Variants in KIAA1328 observed in about 807,000 individuals in gnomAD.
The protein encoded by KIAA1328 is protein hinderin.
A neutral mutation model predicts 68.1 loss-of-function variants in KIAA1328; 52 were observed. The ratio of observed to expected loss-of-function variants is 0.76; its 90% CI spans 0.61 to 0.96. The LOEUF is 0.96. KIAA1328 is among the 40% of genes least tolerant of loss of function. The probability of loss-of-function intolerance (pLI) is 0.00; values close to 1 mark genes in which losing one functional copy is unlikely to be tolerated. For synonymous variants in KIAA1328, 232 were observed against 239.4 expected, an observed-to-expected ratio of 0.97 and a Z score of 0.28; for missense variants, 641 against 677.6, an observed-to-expected ratio of 0.95 and a Z score of 0.60.
chr18:37,223,675 G>T lies in KIAA1328; in HGVS notation c.*1448G>T, dbSNP rs2060602860. The T allele has an allele frequency of 1.0e-6, 1 of 985,224 alleles. No individual in the cohort carries two copies. The highest frequency in any genetic ancestry group is 1.2e-6 in the Non-Finnish European group (1 of 829,928). 61.0% of individuals were successfully genotyped at this position (985,224 alleles called of 1,614,324 possible). On this transcript the variant is annotated 3_prime_UTR_variant, in exon 10 of 10. Transcript: ENST00000280020. Reference sequence around the variant, plus strand: ...AGCCTGCATGCAGCGAGTCTGCGTGGCTTCCCTGAATTACTCTTTTAATTA... The same window carrying T: ...AGCCTGCATGCAGCGAGTCTGCGTGTCTTCCCTGAATTACTCTTTTAATTA...
At chr18:36,863,377 C>T in intron 4 of KIAA1328, among the ~76,000 whole-genome samples, 1 of 151,994 alleles carries the variant, frequency 6.6e-6, no homozygotes, top group Admixed American at 6.6e-5. Context: ...TTCTGTTCCA[C>T]TGGCCTATGT....
intron 9 of KIAA1328, among the ~76,000 whole-genome samples, chr18:37,216,073 A>G (rs754223252): frequency 4.6e-5 from 7 of 151,664 alleles, no homozygotes; most frequent in Admixed American, 6.6e-5. Context: ...TGGTCTATCA[A>G]TTTTGTTTCT....
At chr18:37,169,519 T>TTGTGTG (rs377291936) in intron 8 of KIAA1328, among the ~76,000 whole-genome samples, 13 of 149,844 alleles carry the variant, frequency 8.7e-5, no homozygotes, top group Non-Finnish European at 1.3e-4. Flanking sequence ...GTGTCTGTGT[T>TTGTGTG]TGTGTGTGTG....
At position 36,882,075 on chromosome 18, in the gene KIAA1328, C is replaced by T. The variant is rs1000880017; in HGVS notation, c.333-3482C>T. On this transcript the variant is annotated intron_variant, in intron 4 of 9. Coordinates refer to ENST00000280020, the MANE Select transcript of KIAA1328 (RefSeq NM_020776.3). ...CTACTAAGCACTGTACAAGGGTTTT[C>T]GTTTTTCTGCAGCTTTGTCAACATT... 7.9e-5 allele frequency among the ~76,000 whole-genome samples: 12 copies of T among 152,114 alleles called. No individual in the cohort carries two copies. In the South Asian group the frequency reaches 8.3e-4, roughly 11 times the overall value.
chr18:37,217,792 CT>C (rs1482752357), intron 9 of KIAA1328, among the ~76,000 whole-genome samples: 1 of 152,208 alleles, frequency 6.6e-6, no homozygotes, highest in Non-Finnish European at 1.5e-5. Context: ...CTCCCTGTCA[CT>C]TTCAGGTACA....
intron 3 of KIAA1328, among the ~76,000 whole-genome samples, chr18:36,842,280 C>T (rs1568064362): frequency 6.6e-6 from 1 of 152,078 alleles, no homozygotes. Flanking sequence ...CTGAGGAGGC[C>T]TGATAAAGGC....
intron 6 of KIAA1328, among the ~76,000 whole-genome samples, chr18:37,051,747 T>G (rs1290258780): frequency 6.6e-6 from 1 of 151,990 alleles, no homozygotes; most frequent in Non-Finnish European, 1.5e-5. Context: ...ACACAATAAA[T>G]AAGACTACAG....
At chr18:36,870,051 A>G (rs1218684019) in intron 4 of KIAA1328, among the ~76,000 whole-genome samples, 1 of 151,932 alleles carries the variant, frequency 6.6e-6, no homozygotes, top group Non-Finnish European at 1.5e-5. Flanking sequence ...TTTAGTAGAG[A>G]CGGGGTTTCA....
intron 7 of KIAA1328, among the ~76,000 whole-genome samples, chr18:37,121,462 G>C (rs868238559): frequency 9.0e-5 from 11 of 122,608 alleles, no homozygotes; most frequent in African/African-American, 2.1e-4. Context: ...ATCTATCTAT[G>C]CATCTATCGA....
intron 5 of KIAA1328, among the ~76,000 whole-genome samples, chr18:36,908,536 G>A (rs940276867): frequency 6.6e-6 from 1 of 152,202 alleles, no homozygotes; most frequent in South Asian, 2.1e-4. Flanking sequence ...GGAAAGAAAG[G>A]TCTCACTGTG....
chr18:37,152,512 G>T (rs1322819366), intron 7 of KIAA1328, among the ~76,000 whole-genome samples: 2 of 152,086 alleles, frequency 1.3e-5, no homozygotes, highest in Non-Finnish European at 2.9e-5. Context: ...AAAAGGGAGG[G>T]CAGAGAGCTT....
At chr18:37,089,605 C>A (rs747494710) in intron 7 of KIAA1328, among the ~76,000 whole-genome samples, 3 of 152,090 alleles carry the variant, frequency 2.0e-5, no homozygotes, top group Admixed American at 6.5e-5. Flanking sequence ...GAACTCCTGA[C>A]CTCAGGTGAT....
At chr18:37,203,989 T>A (rs1466048281) in intron 9 of KIAA1328, among the ~76,000 whole-genome samples, 1 of 152,056 alleles carries the variant, frequency 6.6e-6, no homozygotes, top group Admixed American at 6.5e-5. Context: ...TTTTTGTATG[T>A]TTAGTAGAGA....
chr18:36,974,406 T>G (rs1213276520), intron 6 of KIAA1328, among the ~76,000 whole-genome samples: 1 of 152,242 alleles, frequency 6.6e-6, no homozygotes, highest in Non-Finnish European at 1.5e-5. Context: ...TGTGGTATTT[T>G]TCAGTTTCTG....
chr18:37,089,679 A>T (rs2057215237), intron 7 of KIAA1328, among the ~76,000 whole-genome samples: 2 of 152,186 alleles, frequency 1.3e-5, no homozygotes, highest in Non-Finnish European at 2.9e-5. Flanking sequence ...CCTGCCTGGT[A>T]GTGGCTTTTT....
intron 9 of KIAA1328, among the ~76,000 whole-genome samples, chr18:37,177,975 C>T (rs1237622984): frequency 6.6e-6 from 1 of 152,092 alleles, no homozygotes; most frequent in Admixed American, 6.6e-5. Context: ...ATGGTGAGAA[C>T]ATTCAAAATC....
intron 5 of KIAA1328, among the ~76,000 whole-genome samples, chr18:36,952,568 A>G (rs1445638113): frequency 6.6e-6 from 1 of 152,224 alleles, no homozygotes; most frequent in Non-Finnish European, 1.5e-5. Context: ...CCTAAGTTAT[A>G]TCATTACTAA....
At chr18:36,904,273 A>G (rs948500117) in intron 5 of KIAA1328, among the ~76,000 whole-genome samples, 2 of 152,106 alleles carry the variant, frequency 1.3e-5, no homozygotes, top group African/African-American at 4.8e-5. Context: ...CAAAGCTTCT[A>G]TATGCATATT....
intron 8 of KIAA1328, among the ~76,000 whole-genome samples, chr18:37,171,689 G>A (rs1277625075): frequency 6.6e-6 from 1 of 152,174 alleles, no homozygotes; most frequent in Non-Finnish European, 1.5e-5. Flanking sequence ...TGTGCATTTA[G>A]AGGCTGGTCT....
Sources: gnomAD v4.1 joint callset for allele counts (sites outside exome capture counted in the v4.1 genomes callset) on GRCh38, gnomAD v4.1.1 for gene constraint, MANE v1.5 for transcripts, NCBI Gene and HGNC (gene_info 2026-07-23, HGNC 2026-07-21) for gene names.